The following ADGRE3 variants were observed in gnomAD, a reference collection of about 807,000 sequenced individuals.
The protein encoded by ADGRE3 is EGF-like module receptor 3.
Under a neutral mutation model 80.1 loss-of-function variants are expected in ADGRE3, and 88 were observed. That is an observed-to-expected ratio of 1.10 (90% CI 0.93 to 1.31). The LOEUF is 1.31. Among genes scored for constraint, ADGRE3 ranks in the 40% most tolerant of loss-of-function variants. The pLI is 0.00. For missense variants in ADGRE3, 715 were observed against 776.5 expected, an observed-to-expected ratio of 0.92 and a Z score of 0.94; for synonymous variants, 281 against 294.8, an observed-to-expected ratio of 0.95 and a Z score of 0.48.
chr19:14,610,277 C>T, the ADGRE3 span: 1 of 1,519,026 alleles, frequency 6.6e-7, no homozygotes, highest in Middle Eastern at 2.1e-4. Flanking sequence ...GACGGCCTTG[C>T]CTCTTCGTGA....
intron 7 of ADGRE3, 106 bp from the exon 8 acceptor site, chr19:14,647,471 C>T: frequency 1.1e-6 from 1 of 897,946 alleles, no homozygotes. Context: ...GGCTGGAGTG[C>T]AGTGGCGTGA....
chr19:14,656,756 G>A (rs780757762), intron 5 of ADGRE3, among the ~76,000 whole-genome samples: 6 of 152,132 alleles, frequency 3.9e-5, no homozygotes, highest in Non-Finnish European at 7.4e-5. Context: ...GTCTATGTCC[G>A]CAGCTTGATT....
intron 14 of ADGRE3, among the ~76,000 whole-genome samples, chr19:14,626,689 G>A (rs983001963): frequency 2.0e-5 from 3 of 152,162 alleles, no homozygotes; most frequent in African/African-American, 7.2e-5. Context: ...AGCAGGACAG[G>A]GAAGAGAAGG....
At position 14,641,545 on chromosome 19, in the gene ADGRE3, C is replaced by G; in HGVS notation, c.1122G>C (p.Ala374=). 4 of 1,613,832 alleles carry G rather than the reference C, an allele frequency of 2.5e-6. No individual in the cohort carries two copies. Among genetic ancestry groups the G allele is most frequent in the Non-Finnish European group, 2.5e-6 (3 of 1,179,792 alleles). The change falls in exon 10 of 16, where the codon GCG becomes GCC. Residue 374 remains alanine, a synonymous_variant. Transcript: ENST00000253673. ...LSVSLLCLLL[A]ALTFLLCKAI... ...CTTTACACAGGAGAAAAGTGAGGGC[C>G]GCCAGGAGGAGGCACAGCAGAGAGA...
At chr19:14,659,289 C>T (rs909962333) in intron 4 of ADGRE3, among the ~76,000 whole-genome samples, 12 of 152,088 alleles carry the variant, frequency 7.9e-5, no homozygotes, top group South Asian at 2.1e-4. Flanking sequence ...GCAATCCACC[C>T]GCCTTGGCCT....
intron 14 of ADGRE3, among the ~76,000 whole-genome samples, chr19:14,629,699 T>G (rs1599607976): frequency 6.6e-6 from 1 of 152,136 alleles, no homozygotes; most frequent in Non-Finnish European, 1.5e-5. Flanking sequence ...AATAGACCTG[T>G]AGACCCCAGA....
At position 14,655,009 on chromosome 19, in the gene ADGRE3, C is replaced by T; in HGVS notation, c.550G>A (p.Val184Ile). ...ETALKDPEQK[V>I]LKIQNDSVAI... is the part of the protein sequence containing the mutation. ...ACACTATCGTTTTGGATTTTCAGGA[C>T]TTTTTGTTCTGGATCTTTCAAGGCA... Residue 184 changes from valine (V) to isoleucine (I), a missense_variant, in exon 6 of 16, where the codon GTC becomes ATC. Coordinates refer to ENST00000253673, the MANE Select transcript of ADGRE3 (RefSeq NM_032571.5). 1 of 1,613,864 alleles carries T rather than the reference C, an allele frequency of 6.2e-7. No individual in the cohort carries two copies. Among genetic ancestry groups the T allele is most frequent in the African/African-American group, 1.3e-5 (1 of 74,992 alleles).
At chr19:14,665,206 G>A (rs1972057362) in intron 2 of ADGRE3, among the ~76,000 whole-genome samples, 1 of 151,700 alleles carries the variant, frequency 6.6e-6, no homozygotes, top group Admixed American at 6.6e-5. Flanking sequence ...TGGGACTAGA[G>A]GTGCCCGCCA....
chr19:14,635,766 T>C (rs1440009826), intron 11 of ADGRE3, among the ~76,000 whole-genome samples: 1 of 152,048 alleles, frequency 6.6e-6, no homozygotes, highest in Non-Finnish European at 1.5e-5. Flanking sequence ...ATGGGATATA[T>C]GTTATATATA....
At chr19:14,617,341 C>CCTCCCTCCCTCCCTCTCTCTCTTT, downstream of ADGRE3, among the ~76,000 whole-genome samples, 1 of 57,170 alleles carries the variant, frequency 1.7e-5, no homozygotes, top group African/African-American at 5.9e-5. Flanking sequence ...TCCCTCCCTC[C>CCTCCCTCCCTCCCTCTCTCTCTTT]CTTTCTTTCT....
chr19:14,617,678 G>A (rs1244138043), downstream of ADGRE3, among the ~76,000 whole-genome samples: 2 of 151,866 alleles, frequency 1.3e-5, no homozygotes, highest in East Asian at 1.9e-4. Context: ...GATTACAGGC[G>A]TGAGCCACTG....
At chr19:14,628,775 G>A in intron 14 of ADGRE3, 1 of 292,616 alleles carries the variant, frequency 3.4e-6, no homozygotes, top group Non-Finnish European at 6.7e-6. Flanking sequence ...TGTGATCCTG[G>A]AATGTGACCT....
At chr19:14,604,308 G>A in the ADGRE3 span, among the ~76,000 whole-genome samples, 3 of 152,018 alleles carry the variant, frequency 2.0e-5, no homozygotes, top group Non-Finnish European at 4.4e-5. Context: ...CTTCTCTCTG[G>A]GGCCTGCCAT....
intron 6 of ADGRE3, among the ~76,000 whole-genome samples, chr19:14,652,560 G>T (rs1971636215): frequency 6.6e-6 from 1 of 151,866 alleles, no homozygotes; most frequent in African/African-American, 2.4e-5. Context: ...CCAGTTGATT[G>T]CTTGAGGTCA....
intron 13 of ADGRE3, among the ~76,000 whole-genome samples, chr19:14,632,716 C>CTT (rs58638702): frequency 0.28 from 40,735 of 147,892 alleles, 6,177 homozygotes; most frequent in Non-Finnish European, 0.35. Context: ...CTATTTTATT[C>CTT]TTTTTTTTTT....
In ADGRE3 at chr19:14,620,548, T is replaced by TATATTATATATA; in HGVS notation, c.1921-1078_1921-1077insTATATATAATAT. On this transcript the variant is annotated intron_variant, in intron 15 of 15. Transcript: ENST00000253673. ...TGAATATATATATTTTATATATATA[T>TATATTATATATA]TATATATATATATATATATATTTTT... 6.8e-4 allele frequency among the ~76,000 whole-genome samples: 17 copies of TATATTATATATA among 24,982 alleles called. 1 individual carries two copies. Among genetic ancestry groups the TATATTATATATA allele is most frequent in the Admixed American group, 7.8e-4 (1 of 1,278 alleles). The allele number at this position is 24,982 out of a possible 152,430, so 16.4% of individuals were successfully genotyped here.
intron 11 of ADGRE3, among the ~76,000 whole-genome samples, chr19:14,634,825 G>A (rs1429143377): frequency 6.7e-6 from 1 of 150,116 alleles, no homozygotes; most frequent in Admixed American, 6.7e-5. Context: ...CGGGGGTTCA[G>A]GGCCTGGCTG....
chr19:14,645,831 G>T (rs1409496349), intron 8 of ADGRE3, among the ~76,000 whole-genome samples: 1 of 151,928 alleles, frequency 6.6e-6, no homozygotes, highest in East Asian at 1.9e-4. Context: ...AGTTAGTTGG[G>T]CGTGGTGGCA....
At chr19:14,600,935 C>A in the ADGRE3 span, among the ~76,000 whole-genome samples, 1 of 111,204 alleles carries the variant, frequency 9.0e-6, no homozygotes, top group African/African-American at 3.4e-5. Flanking sequence ...TGGAGTCTCA[C>A]TCTGTCACCC....
Sources: allele counts gnomAD v4.1 joint callset (sites outside exome capture counted in the v4.1 genomes callset), GRCh38; gene constraint gnomAD v4.1.1; transcripts MANE v1.5; gene names NCBI Gene and HGNC (gene_info 2026-07-23, HGNC 2026-07-21).